KCTD16: variants seen among roughly 807,000 people sequenced by gnomAD.
The protein encoded by KCTD16 is BTB/POZ domain-containing protein KCTD16.
KCTD16 carries 13 observed loss-of-function variants against 33.2 expected under a neutral mutation model. That is an observed-to-expected ratio of 0.39 (90% CI 0.25 to 0.62). KCTD16 has a LOEUF of 0.62. Ranked by LOEUF, KCTD16 falls within the 20% of genes least tolerant of loss-of-function variation. The probability of loss-of-function intolerance (pLI) is 0.50; values close to 1 mark genes in which losing one functional copy is unlikely to be tolerated. For synonymous variants in KCTD16, 197 were observed against 195.3 expected, an observed-to-expected ratio of 1.01 and a Z score of -0.07; for missense variants, 441 against 525.1, an observed-to-expected ratio of 0.84 and a Z score of 1.57.
At chr5:144,205,778 C>T (rs1753151531) in intron 2 of KCTD16, 1 of 389,714 alleles carries the variant, frequency 2.6e-6, no homozygotes, top group Non-Finnish European at 4.5e-6. Context: ...ACTTTTTTTG[C>T]GACTTGTTTT....
rs184845233 is a variant in KCTD16, at chr5:144,400,421, G to C, written c.833-73239G>C. 1.6e-3 allele frequency among the ~76,000 whole-genome samples: 245 copies of C among 152,278 alleles called. 1 individual carries two copies. The highest frequency in any genetic ancestry group is 5.6e-3 in the African/African-American group (234 of 41,560). On this transcript the variant is annotated intron_variant, in intron 3 of 3. Transcript: ENST00000512467. ...CTTGCATCAGAATCTCTTGCCCAGA[G>C]CACAGCTGCAGGGACCCTCACACCA...
intron 3 of KCTD16, among the ~76,000 whole-genome samples, chr5:144,346,036 C>A (rs1039670782): frequency 1.3e-5 from 2 of 149,342 alleles, no homozygotes; most frequent in African/African-American, 4.9e-5. Context: ...GGAAACTATT[C>A]TTCTACTTTC....
chr5:144,320,975 C>G (rs551897666), intron 3 of KCTD16, among the ~76,000 whole-genome samples: 20 of 152,252 alleles, frequency 1.3e-4, no homozygotes, highest in Non-Finnish European at 1.5e-5. Context: ...CCTGCCTCAG[C>G]CTCCTAAGTA....
intron 2 of KCTD16, among the ~76,000 whole-genome samples, chr5:144,178,889 A>T (rs1187094851): frequency 2.0e-5 from 3 of 152,180 alleles, no homozygotes; most frequent in Non-Finnish European, 4.4e-5. Flanking sequence ...AGAGGCCCCT[A>T]GGAAATTGGC....
At chr5:144,190,789 G>T (rs1285328928) in intron 2 of KCTD16, among the ~76,000 whole-genome samples, 5 of 152,022 alleles carry the variant, frequency 3.3e-5, no homozygotes, top group Admixed American at 2.0e-4. Context: ...TTATTGTCTA[G>T]AATGTGAGCT....
At position 144,206,972 on chromosome 5, in the gene KCTD16, G is replaced by A. The variant is rs1753195168; in HGVS notation, c.258G>A (p.Leu86=). ...ATGGATTCTTGTTCCGTTATATTCTGGACTATCTCAGGGACAGGCAGGTGG... is the reference window on the plus strand; with the variant it reads ...ATGGATTCTTGTTCCGTTATATTCTAGACTATCTCAGGGACAGGCAGGTGG... ...DRDGFLFRYI[L]DYLRDRQVVL... Residue 86 remains leucine, a synonymous_variant, in exon 3 of 4, where the codon CTG becomes CTA. Coordinates refer to ENST00000512467, the MANE Select transcript of KCTD16 (RefSeq NM_020768.4). 3 of 1,614,102 alleles carry A rather than the reference G, an allele frequency of 1.9e-6. No individual in the cohort carries two copies. Among genetic ancestry groups the A allele is most frequent in the Non-Finnish European group, 2.5e-6 (3 of 1,180,012 alleles).
chr5:144,328,507 T>G (rs1194081527), intron 3 of KCTD16, among the ~76,000 whole-genome samples: 1 of 149,094 alleles, frequency 6.7e-6, no homozygotes, highest in Non-Finnish European at 1.5e-5. Context: ...ATCCTCTTTT[T>G]TTTTTATTTT....
intron 3 of KCTD16, among the ~76,000 whole-genome samples, chr5:144,283,981 A>T (rs1261937614): frequency 1.3e-5 from 2 of 152,148 alleles, no homozygotes; most frequent in Non-Finnish European, 2.9e-5. Flanking sequence ...CAATTACTCA[A>T]ATTATTCAGC....
chr5:144,379,844 T>C (rs1258930751), intron 3 of KCTD16, among the ~76,000 whole-genome samples: 1 of 152,178 alleles, frequency 6.6e-6, no homozygotes, highest in African/African-American at 2.4e-5. Context: ...ATAAAAGTTA[T>C]ATTCAAATAA....
At chr5:144,325,915 G>T (rs928948499) in intron 3 of KCTD16, among the ~76,000 whole-genome samples, 2 of 152,144 alleles carry the variant, frequency 1.3e-5, no homozygotes, top group African/African-American at 4.8e-5. Flanking sequence ...ATTAGTAAAA[G>T]ATTCCATGTA....
At chr5:144,253,793 T>G (rs1244692891) in intron 3 of KCTD16, among the ~76,000 whole-genome samples, 1 of 152,126 alleles carries the variant, frequency 6.6e-6, no homozygotes, top group Admixed American at 6.5e-5. Context: ...CCTGAAGGAA[T>G]AAATGCCTCC....
At chr5:144,189,002 C>T (rs556081519) in intron 2 of KCTD16, among the ~76,000 whole-genome samples, 1 of 152,110 alleles carries the variant, frequency 6.6e-6, no homozygotes, top group Non-Finnish European at 1.5e-5. Context: ...CTAAGTAGCA[C>T]CAGTAATTTG....
At chr5:144,408,399 C>T (rs1752860408) in intron 3 of KCTD16, among the ~76,000 whole-genome samples, 1 of 152,194 alleles carries the variant, frequency 6.6e-6, no homozygotes, top group African/African-American at 2.4e-5. Context: ...AGCACTTATG[C>T]ACAGTCAGAT....
chr5:144,448,989 AT>A (rs1358062217), intron 3 of KCTD16, among the ~76,000 whole-genome samples: 2 of 152,058 alleles, frequency 1.3e-5, no homozygotes, highest in Non-Finnish European at 2.9e-5. Context: ...GTCTGGGAGC[AT>A]TTACACAAAA....
At chr5:144,344,344 C>A (rs1038772969) in intron 3 of KCTD16, among the ~76,000 whole-genome samples, 7 of 143,874 alleles carry the variant, frequency 4.9e-5, no homozygotes, top group South Asian at 2.1e-4. Context: ...GCAACAAAAG[C>A]CAAAATTGAC....
intron 3 of KCTD16, among the ~76,000 whole-genome samples, chr5:144,264,712 C>A (rs1305662870): frequency 6.6e-6 from 1 of 152,244 alleles, no homozygotes; most frequent in South Asian, 2.1e-4. Context: ...GGTCAAGAAG[C>A]AGTGAGCTGT....
intron 3 of KCTD16, among the ~76,000 whole-genome samples, chr5:144,436,458 A>C (rs1032220513): frequency 6.6e-6 from 1 of 152,148 alleles, no homozygotes; most frequent in Admixed American, 6.6e-5. Flanking sequence ...GGAAAGAGAA[A>C]GGATTCTGGG....
chr5:144,405,214 C>T (rs985986596), intron 3 of KCTD16, among the ~76,000 whole-genome samples: 1 of 152,164 alleles, frequency 6.6e-6, no homozygotes, highest in African/African-American at 2.4e-5. Context: ...TGTAAATTAA[C>T]AATCCATGTT....
chr5:144,407,492 T>C (rs1202067652), intron 3 of KCTD16, among the ~76,000 whole-genome samples: 1 of 152,108 alleles, frequency 6.6e-6, no homozygotes, highest in Non-Finnish European at 1.5e-5. Context: ...GTAATAAGCA[T>C]AGTACCTGAT....
Sources: gnomAD v4.1 joint callset for allele counts (sites outside exome capture counted in the v4.1 genomes callset) on GRCh38, gnomAD v4.1.1 for gene constraint, MANE v1.5 for transcripts, NCBI Gene and HGNC (gene_info 2026-07-23, HGNC 2026-07-21) for gene names.